The following CACNA1C variants were observed in gnomAD, a reference collection of about 807,000 sequenced individuals.
The protein encoded by CACNA1C is voltage-dependent L-type calcium channel subunit alpha-1C.
In CACNA1C, 30 loss-of-function variants were observed where a neutral mutation model predicts 229.0. The ratio of observed to expected loss-of-function variants is 0.13; its 90% CI spans 0.10 to 0.18. The LOEUF is 0.18. Among genes scored for constraint, CACNA1C ranks in the 10% least tolerant of loss-of-function variants. The probability of loss-of-function intolerance (pLI) is 1.00; values close to 1 mark genes in which losing one functional copy is unlikely to be tolerated. For synonymous variants in CACNA1C, 1,114 were observed against 1,132.5 expected, an observed-to-expected ratio of 0.98 and a Z score of 0.33; for missense variants, 1,658 against 2,845.0, an observed-to-expected ratio of 0.58 and a Z score of 9.49.
intron 1 of CACNA1C, among the ~76,000 whole-genome samples, chr12:1,974,763 T>C (rs1329832457): frequency 3.9e-5 from 6 of 152,168 alleles, no homozygotes; most frequent in Admixed American, 3.9e-4. Context: ...TAGATGCATG[T>C]CAGTCATTCC....
chr12:2,384,311 T>A (rs1322557916), intron 3 of CACNA1C, among the ~76,000 whole-genome samples: 1 of 152,266 alleles, frequency 6.6e-6, no homozygotes, highest in Non-Finnish European at 1.5e-5. Flanking sequence ...TTACACATTG[T>A]GCGTCTTTCA....
Position 2,319,171 on chromosome 12 carries a change from C to T in CACNA1C, c.478-129805C>T, listed in dbSNP as rs2095843451. Among the ~76,000 whole-genome samples the T allele has an allele frequency of 6.6e-6, 1 of 152,094 alleles. No homozygotes were observed. The highest frequency in any genetic ancestry group is 6.5e-5 in the Admixed American group (1 of 15,276). ...CCTGTCCTGGGCAGGCAGGGGTCCC[C>T]ACATATCACTGCACCCTCGTGGGCT... is the stretch of plus-strand genomic sequence containing the variant. On this transcript the variant is annotated intron_variant, in intron 3 of 46. Coordinates refer to ENST00000399655, the MANE Select transcript of CACNA1C (RefSeq NM_000719.7). This position sits in a 1 kb window ranked among gnomAD's most constrained non-coding sequence, Gnocchi z 4.0.
Position 2,175,995 on chromosome 12 carries a change from C to T in CACNA1C, c.477+55565C>T, listed in dbSNP as rs943676210. Among the ~76,000 whole-genome samples, 9 of 152,104 alleles carry T rather than the reference C, an allele frequency of 5.9e-5. No individual in the cohort carries two copies. The East Asian group carries it at 1.7e-3, about 29-fold the overall frequency. On this transcript the variant is annotated intron_variant, in intron 3 of 46. Coordinates refer to ENST00000399655, the MANE Select transcript of CACNA1C (RefSeq NM_000719.7). ...AAAATCCCTGCATTCTTGGAATTTA[C>T]ATTCCAATGGGGGAAGATGGATAGT...
chr12:2,581,854 G>A, intron 14 of CACNA1C, 57 bp downstream of exon 14: 1 of 1,124,728 alleles, frequency 8.9e-7, no homozygotes, highest in South Asian at 1.3e-5. Flanking sequence ...GCGGGGTGGT[G>A]GGAGGAGTGT....
At chr12:2,001,632 C>G (rs559897653) in intron 1 of CACNA1C, among the ~76,000 whole-genome samples, 1 of 152,186 alleles carries the variant, frequency 6.6e-6, no homozygotes, top group African/African-American at 2.4e-5. Flanking sequence ...GCATGTAGCA[C>G]GTGAGTCACC....
At position 2,566,305 on chromosome 12, in the gene CACNA1C, C is replaced by T. The variant is rs1009258530; in HGVS notation, c.1509-117C>T. The T allele has an allele frequency of 2.1e-6, 2 of 944,562 alleles. No individual in the cohort carries two copies. The highest frequency in any genetic ancestry group is 3.1e-6 in the Non-Finnish European group (2 of 649,658). 58.5% of individuals were successfully genotyped at this position (944,562 alleles called of 1,614,324 possible). A position where few individuals can be genotyped will look rare whatever the true frequency, so the allele number is the denominator to read the frequency against. On this transcript the variant is annotated intron_variant, in intron 11 of 46. Transcript: ENST00000399655. This position sits in a 1 kb window ranked among gnomAD's most constrained non-coding sequence, Gnocchi z 4.0. ...CTGGGCTCCTTGCCACCAGATTGGG[C>T]TGCTCTAGCAAGGCCAGATCAGTGA...
At chr12:2,565,418 G>T (rs751455576) in intron 11 of CACNA1C, among the ~76,000 whole-genome samples, 45 of 148,288 alleles carry the variant, frequency 3.0e-4, no homozygotes, top group Non-Finnish European at 6.2e-4. Context: ...AGTGAGCCGA[G>T]ATTGCGCCAC....
chr12:2,606,583 C>G (rs554378147), intron 24 of CACNA1C, 28 bp from the exon 25 acceptor site: 1 of 1,579,936 alleles, frequency 6.3e-7, no homozygotes, highest in Admixed American at 1.8e-5. Context: ...TACTGAACAT[C>G]TCTGATACTC....
intron 3 of CACNA1C, among the ~76,000 whole-genome samples, chr12:2,191,955 C>T (rs545195404): frequency 6.6e-6 from 1 of 152,192 alleles, no homozygotes; most frequent in East Asian, 1.9e-4. Context: ...CATACACGCA[C>T]ACATGTACTC....
At chr12:1,989,155 G>C (rs2038674027) in intron 1 of CACNA1C, among the ~76,000 whole-genome samples, 1 of 152,186 alleles carries the variant, frequency 6.6e-6, no homozygotes, top group Non-Finnish European at 1.5e-5. Context: ...AGGCTGAGGT[G>C]GGAAGATCAC....
At chr12:1,997,380 C>A (rs556412881) in intron 1 of CACNA1C, among the ~76,000 whole-genome samples, 1 of 152,146 alleles carries the variant, frequency 6.6e-6, no homozygotes, top group South Asian at 2.1e-4. Context: ...ATTAGCTGGG[C>A]GTGGTGGCGC....
intron 3 of CACNA1C, among the ~76,000 whole-genome samples, chr12:2,409,267 T>C (rs1310965769): frequency 6.6e-6 from 1 of 152,228 alleles, no homozygotes; most frequent in African/African-American, 2.4e-5. Context: ...GACCTAGTTT[T>C]GCCACTAATC....
chr12:2,627,711 G>C (rs982225683), intron 29 of CACNA1C, among the ~76,000 whole-genome samples: 2 of 152,176 alleles, frequency 1.3e-5, no homozygotes, highest in African/African-American at 4.8e-5. Context: ...CACCGTGGCA[G>C]CCTCCAGCTG....
At chr12:2,551,901 G>A (rs953233597) in intron 10 of CACNA1C, among the ~76,000 whole-genome samples, 2 of 152,096 alleles carry the variant, frequency 1.3e-5, no homozygotes, top group South Asian at 2.1e-4. Flanking sequence ...AGTGACCTGC[G>A]GGTGTCATGG....
intron 18 of CACNA1C, among the ~76,000 whole-genome samples, chr12:2,590,392 A>G (rs376082686): frequency 3.9e-5 from 6 of 152,242 alleles, no homozygotes; most frequent in African/African-American, 1.4e-4. Flanking sequence ...GAAAAGAAAG[A>G]TCCCTAATGT....
At position 2,346,423 on chromosome 12, in the gene CACNA1C, G is replaced by A. The variant is rs960244973; in HGVS notation, c.478-102553G>A. Among the ~76,000 whole-genome samples, 2 of 152,124 alleles carry A rather than the reference G, an allele frequency of 1.3e-5. No individual in the cohort carries two copies. Among genetic ancestry groups the A allele is most frequent in the Admixed American group, 1.3e-4 (2 of 15,260 alleles). On this transcript the variant is annotated intron_variant, in intron 3 of 46. Transcript: ENST00000399655. This position sits in a 1 kb window ranked among gnomAD's most constrained non-coding sequence, Gnocchi z 4.4. ...GACTGTGTTCCACCCCCTTCCCCAGGCTTGGGACAAGCTCACATTCCACAG... is the reference window on the plus strand; with the variant it reads ...GACTGTGTTCCACCCCCTTCCCCAGACTTGGGACAAGCTCACATTCCACAG...
intron 9 of CACNA1C, among the ~76,000 whole-genome samples, chr12:2,517,010 A>G (rs2099798282): frequency 6.6e-6 from 1 of 152,178 alleles, no homozygotes; most frequent in Non-Finnish European, 1.5e-5. Context: ...GAACCAGCAA[A>G]CAGGACTCCT....
rs189719120 is a variant in CACNA1C at position 2,679,682 on chromosome 12, G to A, written c.5330G>A (p.Arg1777His). The A allele has an allele frequency of 6.2e-6, 10 of 1,612,900 alleles. No individual in the cohort carries two copies. The highest frequency in any genetic ancestry group is 5.0e-5 in the Admixed American group (3 of 59,904). The change falls in exon 42 of 47, where the codon CGC becomes CAC. Residue 1777 changes from arginine to histidine, a missense_variant. Physicochemically the swap from Arg to His is conservative, Grantham distance 29. Coordinates refer to ENST00000399655, the MANE Select transcript of CACNA1C (RefSeq NM_000719.7). This position sits in a 1 kb window ranked among gnomAD's most constrained non-coding sequence, Gnocchi z 5.5. ...INNANNTALG[R>H]LPRPAGYPST... ...AACGCCAACAACACCGCCCTGGGTC[G>A]CCTCCCTCGCCCCGCCGGCTACCCC... is the stretch of plus-strand genomic sequence containing the variant.
At chr12:2,128,436 A>T (rs1295582910) in intron 3 of CACNA1C, among the ~76,000 whole-genome samples, 1 of 152,120 alleles carries the variant, frequency 6.6e-6, no homozygotes, top group African/African-American at 2.4e-5. Flanking sequence ...TTTGAGACAG[A>T]GTCTCTCTCT....
Sources: allele counts gnomAD v4.1 joint callset (sites outside exome capture counted in the v4.1 genomes callset), GRCh38; gene constraint gnomAD v4.1.1; non-coding constraint Gnocchi (gnomAD v3.1); transcripts MANE v1.5; gene names NCBI Gene and HGNC (gene_info 2026-07-23, HGNC 2026-07-21).